ADTRP: variants seen among roughly 807,000 people sequenced by gnomAD.
ADTRP encodes the protein androgen-dependent TFPI-regulating protein.
Under a neutral mutation model 27.0 loss-of-function variants are expected in ADTRP, and 20 were observed. That is an observed-to-expected ratio of 0.74 (90% confidence interval 0.52 to 1.08). The LOEUF (loss-of-function observed/expected upper bound fraction) is 1.08. ADTRP is among the 50% of genes least tolerant of loss of function. The probability of loss-of-function intolerance (pLI) is 0.00; values close to 1 mark genes in which losing one functional copy is unlikely to be tolerated. For missense variants in ADTRP, 251 were observed against 275.0 expected (o/e 0.91, Z 0.62); for synonymous variants, 101 against 105.2 (o/e 0.96, Z 0.25).
At chr6:11,717,510 G>A (rs867809216) in intron 5 of ADTRP, 2 of 1,173,856 alleles carry the variant, frequency 1.7e-6, no homozygotes, top group Non-Finnish European at 2.2e-6. Context: ...TAGAAATCAG[G>A]ATAAATAAAA....
At chr6:11,756,632 T>C (rs1400675151) in intron 3 of ADTRP, among the ~76,000 whole-genome samples, 2 of 152,216 alleles carry the variant, frequency 1.3e-5, no homozygotes, top group Non-Finnish European at 1.5e-5. Flanking sequence ...ATGCAGATAG[T>C]AGATGCTGGC....
chr6:11,730,060 A>AT (rs1349918844), intron 4 of ADTRP, among the ~76,000 whole-genome samples: 1 of 152,110 alleles, frequency 6.6e-6, no homozygotes, highest in Non-Finnish European at 1.5e-5. Context: ...TGTTACAGGC[A>AT]TTTTGGTTGA....
At chr6:11,757,488 T>C (rs1421212959) in intron 3 of ADTRP, among the ~76,000 whole-genome samples, 1 of 152,224 alleles carries the variant, frequency 6.6e-6, no homozygotes. Context: ...AAACTAACTG[T>C]ACTAGGTTAA....
Position 11,734,746 on chromosome 6 carries a change from C to T in ADTRP, c.506+822G>A, listed in dbSNP as rs569610364. Among the ~76,000 whole-genome samples the T allele has an allele frequency of 3.5e-4, 54 of 152,282 alleles. No homozygotes were observed. In the South Asian group the frequency reaches 0.011, roughly 31 times the overall value. On this transcript the variant is annotated intron_variant, in intron 4 of 5. Transcript: ENST00000414691. Reference sequence around the variant, plus strand: ...CTCTGCGCTTCCATCCCTGACAGAGCACTGAACTGAACTAAACTTCCCCGC... The same window carrying T: ...CTCTGCGCTTCCATCCCTGACAGAGTACTGAACTGAACTAAACTTCCCCGC...
At chr6:11,765,474 C>T (rs534823869) in intron 3 of ADTRP, among the ~76,000 whole-genome samples, 2 of 151,916 alleles carry the variant, frequency 1.3e-5, no homozygotes, top group African/African-American at 2.4e-5. Flanking sequence ...ATTACAGGAG[C>T]GTGCCACCAC....
At chr6:11,718,839 C>T (rs1489249719) in intron 5 of ADTRP, among the ~76,000 whole-genome samples, 1 of 152,214 alleles carries the variant, frequency 6.6e-6, no homozygotes, top group African/African-American at 2.4e-5. Context: ...CTTTTTGAGC[C>T]TCAGTGCATT....
intron 3 of ADTRP, among the ~76,000 whole-genome samples, chr6:11,757,336 C>T (rs1014242942): frequency 3.3e-5 from 5 of 152,132 alleles, no homozygotes; most frequent in Admixed American, 6.5e-5. Context: ...AGAGACTATT[C>T]CAAGTTCAAA....
At chr6:11,717,265 T>G in intron 5 of ADTRP, 1 of 1,299,238 alleles carries the variant, frequency 7.7e-7, no homozygotes, top group Non-Finnish European at 1.0e-6. Flanking sequence ...TGCTGTCAGA[T>G]AGTAGCAAGG....
At chr6:11,744,862 G>A (rs753098011) in intron 3 of ADTRP, among the ~76,000 whole-genome samples, 9 of 152,168 alleles carry the variant, frequency 5.9e-5, no homozygotes, top group Admixed American at 6.5e-5. Flanking sequence ...CTATCCCTTC[G>A]TTTCCAATAT....
At chr6:11,776,838 C>T (rs141041718) in intron 1 of ADTRP, among the ~76,000 whole-genome samples, 1,699 of 152,240 alleles carry the variant, frequency 0.011, 13 homozygotes, top group Admixed American at 0.018. Context: ...GACATTGGGT[C>T]CATGAGGCAG....
chr6:11,740,455 T>A (rs901286199), intron 3 of ADTRP, among the ~76,000 whole-genome samples: 11 of 152,098 alleles, frequency 7.2e-5, no homozygotes, highest in Non-Finnish European at 1.6e-4. Context: ...GACCAAAATA[T>A]CAATTAAAAC....
intron 3 of ADTRP, among the ~76,000 whole-genome samples, chr6:11,743,274 T>C (rs210933): frequency 0.86 from 130,738 of 152,246 alleles, 56,462 homozygotes; most frequent in East Asian, 1. Context: ...TCAGGACTCC[T>C]CTCCAGCCTC....
chr6:11,730,686 A>G (rs920752859), intron 4 of ADTRP, among the ~76,000 whole-genome samples: 1 of 152,258 alleles, frequency 6.6e-6, no homozygotes, highest in Non-Finnish European at 1.5e-5. Context: ...ACAGTATAAA[A>G]GAAAGTAATT....
intron 3 of ADTRP, chr6:11,738,564 C>T (rs1762616683): frequency 6.6e-6 from 1 of 152,266 alleles, no homozygotes. Context: ...ATTTTATTAA[C>T]CCTGCCCACA....
intron 5 of ADTRP, among the ~76,000 whole-genome samples, chr6:11,715,523 C>T (rs754484227): frequency 3.9e-5 from 6 of 152,174 alleles, no homozygotes; most frequent in Non-Finnish European, 8.8e-5. Flanking sequence ...ACTCTGTCTT[C>T]TTCGTCTGCT....
intron 1 of ADTRP, among the ~76,000 whole-genome samples, chr6:11,769,467 A>T (rs115927055): frequency 0.01 from 1,550 of 152,184 alleles, 25 homozygotes; most frequent in African/African-American, 0.035. Context: ...GACCAGCTAC[A>T]CCCATCACCC....
chr6:11,778,488 G>A (rs1764031711), intron 1 of ADTRP, 119 bp downstream of exon 1: 4 of 1,348,232 alleles, frequency 3.0e-6, no homozygotes, highest in Non-Finnish European at 4.0e-6. Flanking sequence ...TCACAAAACG[G>A]TGAAGAAGGA....
intron 4 of ADTRP, among the ~76,000 whole-genome samples, chr6:11,731,898 C>T (rs1208845638): frequency 6.6e-6 from 1 of 152,094 alleles, no homozygotes; most frequent in African/African-American, 2.4e-5. Flanking sequence ...GCAGGACCAA[C>T]CATGTGTTAG....
At chr6:11,729,194 G>A (rs1762308195) in intron 4 of ADTRP, among the ~76,000 whole-genome samples, 1 of 152,134 alleles carries the variant, frequency 6.6e-6, no homozygotes, top group African/African-American at 2.4e-5. Flanking sequence ...CTTTCTTTCG[G>A]TGTTAACCCT....
Sources: gnomAD v4.1 joint callset for allele counts (sites outside exome capture counted in the v4.1 genomes callset) on GRCh38, gnomAD v4.1.1 for gene constraint, MANE v1.5 for transcripts, NCBI Gene and HGNC (gene_info 2026-07-23, HGNC 2026-07-21) for gene names.